The following RPTOR variants were observed in gnomAD, a reference collection of about 807,000 sequenced individuals.
RPTOR encodes regulatory associated protein of MTOR complex 1, also known as regulatory-associated protein of mTOR.
In RPTOR, 21 loss-of-function variants were observed where a neutral mutation model predicts 169.9. The observed-to-expected ratio is 0.12, with a 90% CI of 0.09 to 0.18. The LOEUF is 0.18. RPTOR is among the 10% of genes least tolerant of loss of function. The pLI, the probability that RPTOR is intolerant of heterozygous loss-of-function variation, is 1.00. For synonymous variants in RPTOR, 732 were observed against 753.2 expected, an observed-to-expected ratio of 0.97 and a Z score of 0.46; for missense variants, 1,133 against 1,855.9, an observed-to-expected ratio of 0.61 and a Z score of 7.16.
chr17:80,760,435 G>A (rs1246606489), intron 6 of RPTOR, among the ~76,000 whole-genome samples: 1 of 150,916 alleles, frequency 6.6e-6, no homozygotes, highest in East Asian at 2.0e-4. Context: ...CCGAGTAGCT[G>A]GGATTACAGG....
At chr17:80,949,115 G>A (rs1299831769) in intron 27 of RPTOR, among the ~76,000 whole-genome samples, 1 of 152,130 alleles carries the variant, frequency 6.6e-6, no homozygotes, top group Non-Finnish European at 1.5e-5. Flanking sequence ...CAGGGAACCC[G>A]ATGCCCTGGA....
intron 1 of RPTOR, among the ~76,000 whole-genome samples, chr17:80,604,880 C>T (rs1356888225): frequency 6.6e-6 from 1 of 152,048 alleles, no homozygotes; most frequent in African/African-American, 2.4e-5. Context: ...ATTATGGGAG[C>T]TACAATTCAA....
chr17:80,814,418 A>G (rs74407958), intron 7 of RPTOR, among the ~76,000 whole-genome samples: 5,685 of 152,256 alleles, frequency 0.037, 152 homozygotes, highest in East Asian at 0.076. Flanking sequence ...TTTTGTGCCC[A>G]AAGAGATAAT....
At chr17:80,795,758 G>T (rs1361449514) in intron 7 of RPTOR, among the ~76,000 whole-genome samples, 5 of 152,012 alleles carry the variant, frequency 3.3e-5, no homozygotes. Context: ...TTGCCTCTGG[G>T]TCTGTCTCTG....
chr17:80,728,446 G>GGGGTGTGTGT (rs1555612016), intron 4 of RPTOR, among the ~76,000 whole-genome samples: 12 of 148,176 alleles, frequency 8.1e-5, no homozygotes, highest in Admixed American at 2.7e-4. Flanking sequence ...TCCACTCTGG[G>GGGGTGTGTGT]GTGTGTGTGT....
intron 3 of RPTOR, among the ~76,000 whole-genome samples, chr17:80,705,277 G>A (rs1285630768): frequency 1.3e-5 from 2 of 152,248 alleles, no homozygotes; most frequent in African/African-American, 4.8e-5. Context: ...CAGCATTCTG[G>A]TTCTGAGCGA....
chr17:80,688,423 G>A (rs770258293), intron 3 of RPTOR, among the ~76,000 whole-genome samples: 2 of 152,194 alleles, frequency 1.3e-5, no homozygotes, highest in Non-Finnish European at 2.9e-5. Context: ...TAATTAAAAG[G>A]TTTATCAAGA....
chr17:80,649,598 G>T (rs974560104), intron 3 of RPTOR, among the ~76,000 whole-genome samples: 1 of 152,170 alleles, frequency 6.6e-6, no homozygotes, highest in Non-Finnish European at 1.5e-5. Context: ...CACTTTGCCT[G>T]TGTACTCATT....
Position 80,828,843 on chromosome 17 carries a change from G to A in RPTOR, c.1136+5620G>A, listed in dbSNP as rs184515351. ...CAGAATAGGAACGTAAATTCAGAAC[G>A]GATACTTAAAAGAAAATGTAAGCAG... On this transcript the variant is annotated intron_variant, in intron 9 of 33. Coordinates refer to ENST00000306801, the MANE Select transcript of RPTOR (RefSeq NM_020761.3). 2.5e-3 allele frequency among the ~76,000 whole-genome samples: 371 copies of A among 148,294 alleles called. 1 individual carries two copies. Among genetic ancestry groups the A allele is most frequent in the Non-Finnish European group, 4.8e-3 (317 of 65,698 alleles).
intron 28 of RPTOR, among the ~76,000 whole-genome samples, chr17:80,951,343 AG>A (rs1171621062): frequency 1.1e-4 from 16 of 152,346 alleles, no homozygotes; most frequent in Admixed American, 5.9e-4. Flanking sequence ...CATATCAGGA[AG>A]CAGCACTGAC....
chr17:80,921,993 C>G (rs2068750850), intron 21 of RPTOR, among the ~76,000 whole-genome samples: 1 of 152,202 alleles, frequency 6.6e-6, no homozygotes, highest in African/African-American at 2.4e-5. Context: ...GAGTTCCAGG[C>G]CCCGTCACAG....
At chr17:80,766,739 A>G (rs2066791232) in intron 6 of RPTOR, among the ~76,000 whole-genome samples, 1 of 152,224 alleles carries the variant, frequency 6.6e-6, no homozygotes, top group South Asian at 2.1e-4. Context: ...CTAGGTGTTC[A>G]TGTACCGGCA....
At chr17:80,723,764 G>A (rs116848594) in intron 4 of RPTOR, among the ~76,000 whole-genome samples, 5 of 151,476 alleles carry the variant, frequency 3.3e-5, no homozygotes, top group Non-Finnish European at 5.9e-5. Flanking sequence ...ATTGATTTGC[G>A]TATCTATGTA....
Position 80,708,039 on chromosome 17 carries a change from A to G in RPTOR, c.507+40A>G. 2 of 1,594,418 alleles carry G rather than the reference A, an allele frequency of 1.3e-6. No homozygotes were observed. Among genetic ancestry groups the G allele is most frequent in the Non-Finnish European group, 1.7e-6 (2 of 1,168,970 alleles). On this transcript the variant is annotated intron_variant, in intron 4 of 33. Coordinates refer to ENST00000306801, the MANE Select transcript of RPTOR (RefSeq NM_020761.3). The surrounding 1 kb of genome is among the most constrained non-coding windows in gnomAD (Gnocchi z 4.2). ...CAGCTTCCTTCCCGTTTCTGCCAAA[A>G]GCCATGCCAATTGCGGTGGTCGGAG...
rs371258609 is a variant in RPTOR at position 80,965,842 on chromosome 17, G to A, written c.*1512G>A. ...CCTCCGCTGCTCCTTTTTGGAATGC[G>A]AGCTCCCACCAGAAGAAGGTTCCGG... On this transcript the variant is annotated 3_prime_UTR_variant, in exon 34 of 34. Coordinates refer to ENST00000306801, the MANE Select transcript of RPTOR (RefSeq NM_020761.3). 6 of 233,308 alleles carry A rather than the reference G, an allele frequency of 2.6e-5. No individual in the cohort carries two copies. Among genetic ancestry groups the A allele is most frequent in the East Asian group, 1.2e-4 (2 of 16,606 alleles). 14.5% of individuals were successfully genotyped at this position (233,308 alleles called of 1,614,324 possible).
At chr17:80,962,658 C>A in intron 32 of RPTOR, 81 bp downstream of exon 32, 2 of 1,304,618 alleles carry the variant, frequency 1.5e-6, no homozygotes, top group South Asian at 1.3e-5. Context: ...TGTGTTCCTG[C>A]CCCCAGGAGC....
intron 9 of RPTOR, among the ~76,000 whole-genome samples, chr17:80,833,116 G>A (rs1042442716): frequency 6.6e-6 from 1 of 152,130 alleles, no homozygotes; most frequent in African/African-American, 2.4e-5. Context: ...CGGGGCGGGC[G>A]CGCTCTGACT....
Position 80,813,852 on chromosome 17 carries a change from G to GA in RPTOR, c.891-8348dup, listed in dbSNP as rs2067297137. On this transcript the variant is annotated intron_variant, in intron 7 of 33. Transcript: ENST00000306801. ...TAAATTTTTAAAATCATACAGTTTT[G>GA]ACTCGGTACGGTGGCTTATGCCTGT... 2.0e-5 allele frequency among the ~76,000 whole-genome samples: 3 copies of GA among 152,282 alleles called. No individual in the cohort carries two copies. In the East Asian group the frequency reaches 5.8e-4, roughly 29 times the overall value.
Position 80,730,750 on chromosome 17 carries a change from G to GTTTTTTTTTTT in RPTOR, c.654+48_654+49insTTTTTTTTTTT. ...GGAGAGCGGTGCTGGGTTTGGTTTT[G>GTTTTTTTTTTT]TTTTCCCTGGGGGTGGGGTTTGGGT... On this transcript the variant is annotated intron_variant, in intron 5 of 33. Transcript: ENST00000306801. The surrounding 1 kb of genome is among the most constrained non-coding windows in gnomAD (Gnocchi z 4.2). 1.8e-6 allele frequency: 1 copy of GTTTTTTTTTTT among 550,864 alleles called. No individual in the cohort carries two copies. The highest frequency in any genetic ancestry group is 5.7e-5 in the East Asian group (1 of 17,572). The allele number at this position is 550,864 out of a possible 1,614,324, so 34.1% of individuals were successfully genotyped here. A position where few individuals can be genotyped will look rare whatever the true frequency, so the allele number is the denominator to read the frequency against.
Sources: allele counts gnomAD v4.1 joint callset (sites outside exome capture counted in the v4.1 genomes callset), GRCh38; gene constraint gnomAD v4.1.1; non-coding constraint Gnocchi (gnomAD v3.1); transcripts MANE v1.5; gene names NCBI Gene and HGNC (gene_info 2026-07-23, HGNC 2026-07-21).